The following CDKAL1 variants were observed in gnomAD, a reference collection of about 807,000 sequenced individuals.
The protein encoded by CDKAL1 is threonylcarbamoyladenosine tRNA methylthiotransferase.
In CDKAL1, 32 loss-of-function variants were observed where a neutral mutation model predicts 68.2. That is an observed-to-expected ratio of 0.47 (90% CI 0.35 to 0.63). The LOEUF is 0.63. Among genes scored for constraint, CDKAL1 ranks in the 30% least tolerant of loss-of-function variants. CDKAL1 has a pLI of 0.00. For missense variants in CDKAL1, 606 were observed against 696.7 expected, an observed-to-expected ratio of 0.87 and a Z score of 1.47; for synonymous variants, 234 against 244.3, an observed-to-expected ratio of 0.96 and a Z score of 0.39.
intron 5 of CDKAL1, among the ~76,000 whole-genome samples, chr6:20,685,020 A>G: frequency 6.6e-6 from 1 of 152,094 alleles, no homozygotes. Context: ...AATCCAGTTT[A>G]TTGATTCTTG....
chr6:20,688,427 T>G (rs560087305), intron 5 of CDKAL1, among the ~76,000 whole-genome samples: 6 of 140,886 alleles, frequency 4.3e-5, no homozygotes, highest in East Asian at 2.0e-4. Context: ...GTTTCTTTCG[T>G]TTTTTTTTTG....
At chr6:20,733,915 G>A (rs535349200) in intron 5 of CDKAL1, among the ~76,000 whole-genome samples, 5 of 152,238 alleles carry the variant, frequency 3.3e-5, no homozygotes, top group African/African-American at 4.8e-5. Context: ...TTGGGAGGCT[G>A]AGGTGGGTGG....
intron 4 of CDKAL1, among the ~76,000 whole-genome samples, chr6:20,587,046 G>A (rs374407147): frequency 7.2e-5 from 10 of 138,882 alleles, no homozygotes; most frequent in African/African-American, 2.4e-4. Flanking sequence ...GAGGGCAATG[G>A]CAAGATCTCG....
At chr6:20,571,092 A>G (rs1764681663) in intron 4 of CDKAL1, among the ~76,000 whole-genome samples, 1 of 152,164 alleles carries the variant, frequency 6.6e-6, no homozygotes. Flanking sequence ...GTGAATCTCT[A>G]AAAAGAGAAT....
At chr6:21,141,328 A>G (rs545846901) in intron 13 of CDKAL1, among the ~76,000 whole-genome samples, 2 of 152,308 alleles carry the variant, frequency 1.3e-5, no homozygotes, top group Admixed American at 1.3e-4. Context: ...ACCTCCACGA[A>G]GCCTTTGCTT....
chr6:21,186,073 G>A (rs1170859163), intron 13 of CDKAL1, among the ~76,000 whole-genome samples: 2 of 151,994 alleles, frequency 1.3e-5, no homozygotes, highest in Admixed American at 6.6e-5. Flanking sequence ...GAAGTATGGG[G>A]GTGGGGCAGG....
chr6:20,775,566 G>C (rs77208365), intron 7 of CDKAL1, among the ~76,000 whole-genome samples: 1 of 152,118 alleles, frequency 6.6e-6, no homozygotes, highest in African/African-American at 2.4e-5. Context: ...CCAAAAATTT[G>C]CCTTTTACCT....
At chr6:20,904,798 A>C (rs1243571320) in intron 9 of CDKAL1, among the ~76,000 whole-genome samples, 1 of 152,120 alleles carries the variant, frequency 6.6e-6, no homozygotes, top group African/African-American at 2.4e-5. Context: ...TCAAGAAAAA[A>C]AAAAAGAAAA....
At chr6:20,864,402 T>A (rs1462084808) in intron 9 of CDKAL1, among the ~76,000 whole-genome samples, 2 of 152,148 alleles carry the variant, frequency 1.3e-5, no homozygotes, top group African/African-American at 2.4e-5. Context: ...TTAATCCTAA[T>A]TGTTATTACT....
intron 4 of CDKAL1, among the ~76,000 whole-genome samples, chr6:20,617,236 A>G (rs1049383991): frequency 9.9e-5 from 15 of 151,802 alleles, no homozygotes; most frequent in African/African-American, 2.2e-4. Flanking sequence ...TCTGTATGCC[A>G]TGGTATTGGA....
chr6:20,979,379 T>C (rs1328909627), intron 10 of CDKAL1, among the ~76,000 whole-genome samples: 2 of 152,170 alleles, frequency 1.3e-5, no homozygotes, highest in South Asian at 2.1e-4. Context: ...AAATAATTAA[T>C]ACTTTGGGTA....
At chr6:20,799,729 A>C (rs1167503982) in intron 8 of CDKAL1, 1 of 152,210 alleles carries the variant, frequency 6.6e-6, no homozygotes, top group African/African-American at 2.4e-5. Flanking sequence ...CCACAGAAGA[A>C]AATCATTTGG....
intron 12 of CDKAL1, among the ~76,000 whole-genome samples, chr6:21,069,347 G>GT (rs1771625759): frequency 6.6e-6 from 1 of 152,090 alleles, no homozygotes; most frequent in Non-Finnish European, 1.5e-5. Context: ...CTGTGTGTGT[G>GT]TTTTAATCAT....
At position 20,573,328 on chromosome 6, in the gene CDKAL1, G is replaced by A. The variant is rs7764551; in HGVS notation, c.286+24623G>A. 5.5e-3 allele frequency among the ~76,000 whole-genome samples: 844 copies of A among 152,182 alleles called. 9 individuals are homozygous for A. The highest frequency in any genetic ancestry group is 0.019 in the African/African-American group (789 of 41,530). On this transcript the variant is annotated intron_variant, in intron 4 of 15. Coordinates refer to ENST00000274695, the MANE Select transcript of CDKAL1 (RefSeq NM_017774.3). ...TAGGTGATTGGAGTTGTATGCAAATGACAGTTTTCATAACACTTTTGCAGT... is the reference window on the plus strand; with the variant it reads ...TAGGTGATTGGAGTTGTATGCAAATAACAGTTTTCATAACACTTTTGCAGT...
intron 9 of CDKAL1, among the ~76,000 whole-genome samples, chr6:20,886,695 A>G (rs1761082886): frequency 6.6e-6 from 1 of 152,238 alleles, no homozygotes; most frequent in African/African-American, 2.4e-5. Flanking sequence ...GGGCAAATTC[A>G]TGGAGACAAG....
At chr6:20,893,127 C>T (rs1208557309) in intron 9 of CDKAL1, among the ~76,000 whole-genome samples, 2 of 152,192 alleles carry the variant, frequency 1.3e-5, no homozygotes, top group African/African-American at 2.4e-5. Context: ...TCTCTCTGTG[C>T]CGCCTTATTT....
intron 4 of CDKAL1, among the ~76,000 whole-genome samples, chr6:20,647,702 C>T (rs1768542789): frequency 6.6e-6 from 1 of 152,044 alleles, no homozygotes; most frequent in Non-Finnish European, 1.5e-5. Context: ...AGGATACTAA[C>T]AGGAGGTAGG....
chr6:20,675,223 A>G (rs1385076945), intron 5 of CDKAL1, among the ~76,000 whole-genome samples: 1 of 152,196 alleles, frequency 6.6e-6, no homozygotes, highest in Admixed American at 6.5e-5. Context: ...AAGAATTAGA[A>G]CATTTTTATT....
chr6:20,693,433 T>C (rs570098123), intron 5 of CDKAL1, among the ~76,000 whole-genome samples: 2 of 152,180 alleles, frequency 1.3e-5, no homozygotes, highest in East Asian at 1.9e-4. Context: ...ACCAAACTTA[T>C]AGAACTGTCA....
Sources: allele counts gnomAD v4.1 joint callset (sites outside exome capture counted in the v4.1 genomes callset), GRCh38; gene constraint gnomAD v4.1.1; transcripts MANE v1.5; gene names NCBI Gene and HGNC (gene_info 2026-07-23, HGNC 2026-07-21).